The following GCSAML variants were observed in gnomAD, a reference collection of about 807,000 sequenced individuals.
The protein encoded by GCSAML is germinal center associated signaling and motility like, also known as germinal center-associated signaling and motility-like protein.
A neutral mutation model predicts 13.0 loss-of-function variants in GCSAML; 9 were observed. That is an observed-to-expected ratio of 0.69 (90% CI 0.42 to 1.21). The LOEUF (loss-of-function observed/expected upper bound fraction) is 1.21, where lower values mean the gene tolerates loss of function less well. GCSAML is among the 50% of genes most tolerant of loss of function. The probability of loss-of-function intolerance (pLI) is 0.00; values close to 1 mark genes in which losing one functional copy is unlikely to be tolerated. For missense variants in GCSAML, 143 were observed against 153.4 expected, an observed-to-expected ratio of 0.93 and a Z score of 0.36; for synonymous variants, 37 against 52.9, an observed-to-expected ratio of 0.70 and a Z score of 1.31.
intron 2 of GCSAML, among the ~76,000 whole-genome samples, chr1:247,534,287 T>A (rs1254875198): frequency 6.6e-6 from 1 of 152,206 alleles, no homozygotes; most frequent in East Asian, 1.9e-4. Flanking sequence ...ACCCAGTGTC[T>A]GATACACAGT....
At chr1:247,558,047 T>C in intron 2 of GCSAML, among the ~76,000 whole-genome samples, 1 of 152,252 alleles carries the variant, frequency 6.6e-6, no homozygotes, top group East Asian at 1.9e-4. Context: ...CAAGCCTTTA[T>C]TACAATCAGA....
At chr1:247,515,639 A>G (rs1315740593) in intron 1 of GCSAML, among the ~76,000 whole-genome samples, 2 of 152,154 alleles carry the variant, frequency 1.3e-5, no homozygotes, top group African/African-American at 4.8e-5. Flanking sequence ...GAAACTTACA[A>G]TCATGGCAGA....
chr1:247,557,258 G>C (rs1667987779), intron 2 of GCSAML, among the ~76,000 whole-genome samples: 2 of 152,000 alleles, frequency 1.3e-5, no homozygotes, highest in South Asian at 4.2e-4. Flanking sequence ...GCTCTTTATA[G>C]TCCACTTCCT....
At chr1:247,520,761 T>C (rs570873173) in intron 1 of GCSAML, among the ~76,000 whole-genome samples, 1 of 152,360 alleles carries the variant, frequency 6.6e-6, no homozygotes, top group Non-Finnish European at 1.5e-5. Flanking sequence ...TCTTTCCTTA[T>C]ATTTTCAGTT....
chr1:247,524,927 CAGA>C (rs999884922), intron 1 of GCSAML: 3 of 151,964 alleles, frequency 2.0e-5, no homozygotes, highest in African/African-American at 4.8e-5. Context: ...CAAAACATAC[CAGA>C]AGATGTTAAA....
intron 4 of GCSAML, among the ~76,000 whole-genome samples, chr1:247,569,207 T>C (rs1668504834): frequency 6.6e-6 from 1 of 152,220 alleles, no homozygotes; most frequent in Non-Finnish European, 1.5e-5. Context: ...TTCTTTCTCT[T>C]GCCTGATTGC....
intron 1 of GCSAML, among the ~76,000 whole-genome samples, chr1:247,550,146 T>C (rs1289815501): frequency 1.3e-5 from 2 of 152,074 alleles, no homozygotes; most frequent in African/African-American, 4.8e-5. Flanking sequence ...TACTTACGGG[T>C]ATGGGGCAGA....
intron 2 of GCSAML, among the ~76,000 whole-genome samples, chr1:247,562,200 G>A (rs569797059): frequency 1.7e-4 from 26 of 152,282 alleles, no homozygotes; most frequent in African/African-American, 6.3e-4. Context: ...GTTTAAGGAA[G>A]CAAAGCTTTG....
rs555982313 is a variant in GCSAML at position 247,574,169 on chromosome 1, A to C, written c.195A>C (p.Glu65Asp). Reference protein sequence around the residue: ...NQENENGSGSEEVCYTVINHI... With the variant: ...NQENENGSGSDEVCYTVINHI... ...AAAACGAGAATGGCAGTGGTTCTGA[A>C]GAAGTGTGCTACACTGTCATTAATC... The change falls in exon 5 of 5, where the codon GAA becomes GAC. Residue 65 changes from glutamate (E) to aspartate (D), a missense_variant. Glu to Asp is a conservative substitution (Grantham distance 45). Coordinates refer to ENST00000366488, the MANE Select transcript of GCSAML (RefSeq NM_145278.5). 9.3e-6 allele frequency: 15 copies of C among 1,613,950 alleles called. No individual in the cohort carries two copies. In the South Asian group the frequency reaches 1.3e-4, roughly 14 times the overall value.
intron 1 of GCSAML, among the ~76,000 whole-genome samples, chr1:247,522,217 C>T (rs1666463728): frequency 6.8e-6 from 1 of 147,700 alleles, no homozygotes; most frequent in African/African-American, 2.5e-5. Flanking sequence ...GGGGCAGCCC[C>T]CGCCCAGCCA....
chr1:247,512,992 G>A (rs992503099), intron 1 of GCSAML, among the ~76,000 whole-genome samples: 4 of 152,172 alleles, frequency 2.6e-5, no homozygotes, highest in African/African-American at 9.7e-5. Flanking sequence ...CAGGGGTCAA[G>A]GACCCACTTG....
intron 2 of GCSAML, 146 bp downstream of exon 2, chr1:247,556,612 G>A: frequency 3.4e-6 from 2 of 584,700 alleles, no homozygotes; most frequent in South Asian, 4.6e-5. Context: ...GCATGACTTG[G>A]CAGCAGGTTA....
upstream of GCSAML, chr1:247,548,899 C>G: frequency 2.0e-6 from 1 of 502,382 alleles, no homozygotes; most frequent in East Asian, 3.6e-5. This position sits in a 1 kb window ranked among gnomAD's most constrained non-coding sequence, Gnocchi z 5.3. Context: ...GATTCACTTT[C>G]ATGTTTCAGC....
At chr1:247,570,704 T>A (rs1668571870) in intron 4 of GCSAML, among the ~76,000 whole-genome samples, 1 of 152,164 alleles carries the variant, frequency 6.6e-6, no homozygotes, top group Non-Finnish European at 1.5e-5. Context: ...GGTGGAGAGA[T>A]CTGTAGATGT....
At chr1:247,553,418 A>G (rs974651307) in intron 1 of GCSAML, among the ~76,000 whole-genome samples, 6 of 151,996 alleles carry the variant, frequency 3.9e-5, no homozygotes, top group Non-Finnish European at 8.8e-5. Context: ...AGGTACCTTT[A>G]TCATGTTTTA....
chr1:247,568,534 A>G (rs1405230290), intron 4 of GCSAML, among the ~76,000 whole-genome samples: 2 of 152,014 alleles, frequency 1.3e-5, no homozygotes, highest in African/African-American at 2.4e-5. Flanking sequence ...ATTGGTCTAT[A>G]TATCTGTTTT....
At position 247,568,207 on chromosome 1, in the gene GCSAML, T is replaced by C. The variant is rs147021948; in HGVS notation, c.168+2248T>C. ...GATCCCATTTGTCAATTTTGGCTTCTGTTGCAATTGCTTTTGGTGTTTTAG... is the reference window on the plus strand; with the variant it reads ...GATCCCATTTGTCAATTTTGGCTTCCGTTGCAATTGCTTTTGGTGTTTTAG... On this transcript the variant is annotated intron_variant, in intron 4 of 4. Coordinates refer to ENST00000366488, the MANE Select transcript of GCSAML (RefSeq NM_145278.5). Among the ~76,000 whole-genome samples, 107 of 152,354 alleles carry C rather than the reference T, an allele frequency of 7.0e-4. 1 individual carries two copies. The East Asian group carries it at 0.015, about 21-fold the overall frequency.
rs780497675 is a variant in GCSAML, at chr1:247,531,844, G to A, written c.-148+4790G>A. 5.6e-6 allele frequency: 9 copies of A among 1,614,054 alleles called. No homozygotes were observed. In the South Asian group the frequency reaches 9.9e-5, roughly 18 times the overall value. On this transcript the variant is annotated intron_variant, in intron 2 of 5. Transcript: ENST00000366489. ...TGACCTGATCTTCAACACGGCCCGG[G>A]CAATGTGGCCGTAAGAGACCAGGAT...
rs1668824616 is a variant in GCSAML, at chr1:247,576,069, A to G, written c.*1687A>G. On this transcript the variant is annotated 3_prime_UTR_variant, in exon 5 of 5. Coordinates refer to ENST00000366488, the MANE Select transcript of GCSAML (RefSeq NM_145278.5). ...AATATTTCCATACATATAATGAGAGAGTTGGAAAATGGGATTCAAGTCTAA... is the reference window on the plus strand; with the variant it reads ...AATATTTCCATACATATAATGAGAGGGTTGGAAAATGGGATTCAAGTCTAA... The G allele has an allele frequency of 6.6e-6, 1 of 152,150 alleles. No individual in the cohort carries two copies. Among genetic ancestry groups the G allele is most frequent in the Admixed American group, 6.6e-5 (1 of 15,266 alleles). The allele number at this position is 152,150 out of a possible 1,614,324, so 9.4% of individuals were successfully genotyped here.
Sources: allele counts gnomAD v4.1 joint callset (sites outside exome capture counted in the v4.1 genomes callset), GRCh38; gene constraint gnomAD v4.1.1; non-coding constraint Gnocchi (gnomAD v3.1); transcripts MANE v1.5; gene names NCBI Gene and HGNC (gene_info 2026-07-23, HGNC 2026-07-21).